ANKDD1A: variants seen among roughly 807,000 people sequenced by gnomAD.
ANKDD1A encodes ankyrin repeat and death domain-containing protein 1A.
ANKDD1A carries 59 observed loss-of-function variants against 63.5 expected under a neutral mutation model. That is an observed-to-expected ratio of 0.93 (90% confidence interval 0.75 to 1.15). The LOEUF (loss-of-function observed/expected upper bound fraction) is 1.15. Ranked by LOEUF, ANKDD1A falls within the 50% of genes most tolerant of loss-of-function variation. The pLI is 0.00. For synonymous variants in ANKDD1A, 266 were observed against 263.9 expected (o/e 1.01, Z -0.08); for missense variants, 632 against 656.4 (o/e 0.96, Z 0.41).
Position 64,951,071 on chromosome 15 carries a change from C to G in ANKDD1A, c.1483+1099C>G, listed in dbSNP as rs1329796655. 8.3e-6 allele frequency: 10 copies of G among 1,210,382 alleles called. No individual in the cohort carries two copies. The African/African-American group carries it at 1.6e-4, about 19-fold the overall frequency. The allele number at this position is 1,210,382 out of a possible 1,614,324, so 75.0% of individuals were successfully genotyped here. On this transcript the variant is annotated intron_variant, in intron 14 of 14. Transcript: ENST00000319580. ...ACCTCAGCGTGTGGAGCCACCTGAA[C>G]AGAAGATGACCATCATTTAAGGGCT...
At chr15:64,940,608 A>AT (rs587696660) in intron 9 of ANKDD1A, among the ~76,000 whole-genome samples, 6 of 148,800 alleles carry the variant, frequency 4.0e-5, no homozygotes, top group African/African-American at 1.2e-4. Flanking sequence ...AATTTTTTGT[A>AT]TTTTTTTTTT....
intron 9 of ANKDD1A, among the ~76,000 whole-genome samples, chr15:64,941,252 G>C (rs2085182846): frequency 1.3e-5 from 2 of 152,156 alleles, no homozygotes; most frequent in African/African-American, 2.4e-5. Context: ...TTTGTCTTCT[G>C]TATGACTTTA....
In ANKDD1A at chr15:64,958,252, T is replaced by C. The variant is rs948827039; in HGVS notation, c.*1064T>C. 1 of 152,226 alleles carries C rather than the reference T, an allele frequency of 6.6e-6. No homozygotes were observed. Among genetic ancestry groups the C allele is most frequent in the South Asian group, 2.1e-4 (1 of 4,836 alleles). 9.4% of individuals were successfully genotyped at this position (152,226 alleles called of 1,614,324 possible). A position where few individuals can be genotyped will look rare whatever the true frequency, so the allele number is the denominator to read the frequency against. ...ACACTGTGATGGTGGGTACATGACA[T>C]TGGGCATTGGTCAAAACCCATAGCA... On this transcript the variant is annotated 3_prime_UTR_variant, in exon 15 of 15. Transcript: ENST00000319580.
At chr15:64,938,301 C>G (rs1435746667) in intron 9 of ANKDD1A, among the ~76,000 whole-genome samples, 1 of 152,122 alleles carries the variant, frequency 6.6e-6, no homozygotes, top group Admixed American at 6.5e-5. Context: ...AAAGAGTAAC[C>G]TTACTCTGGG....
At chr15:64,954,727 C>CCTTCTCCTCCTCCTT (rs1416776876) in intron 14 of ANKDD1A, among the ~76,000 whole-genome samples, 2 of 72,240 alleles carry the variant, frequency 2.8e-5, no homozygotes, top group African/African-American at 4.2e-5. Flanking sequence ...TTCTCCTCCT[C>CCTTCTCCTCCTCCTT]CTTCTTCTTC....
intron 6 of ANKDD1A, among the ~76,000 whole-genome samples, chr15:64,928,380 G>A (rs1293420514): frequency 6.6e-6 from 1 of 152,232 alleles, no homozygotes; most frequent in East Asian, 1.9e-4. Flanking sequence ...GAGGCAAAAT[G>A]ATCACACCTC....
chr15:64,951,844 C>A lies in ANKDD1A; in HGVS notation c.1483+1872C>A, dbSNP rs1271786210. Reference sequence around the variant, plus strand: ...CTCTTCTTCATCCTTCTTATTCTTTCTTCTTCTTTCTTCTTCCTCTTCTTT... The same window carrying A: ...CTCTTCTTCATCCTTCTTATTCTTTATTCTTCTTTCTTCTTCCTCTTCTTT... On this transcript the variant is annotated intron_variant, in intron 14 of 14. Transcript: ENST00000319580. Among the ~76,000 whole-genome samples, 21 of 32,988 alleles carry A rather than the reference C, an allele frequency of 6.4e-4. No homozygotes were observed. The South Asian group carries it at 0.016, about 25-fold the overall frequency. 21.6% of individuals were successfully genotyped at this position (32,988 alleles called of 152,430 possible).
At chr15:64,941,875 CT>C (rs1183355231) in intron 9 of ANKDD1A, among the ~76,000 whole-genome samples, 1 of 152,112 alleles carries the variant, frequency 6.6e-6, no homozygotes, top group Non-Finnish European at 1.5e-5. Context: ...TCCCAGCTGG[CT>C]CTTTCATTCA....
intron 6 of ANKDD1A, 56 bp from the exon 7 acceptor site, chr15:64,930,766 C>G: frequency 6.5e-7 from 1 of 1,548,252 alleles, no homozygotes; most frequent in Non-Finnish European, 8.8e-7. Flanking sequence ...CATCACAGGT[C>G]TGTGATTCTG....
At chr15:64,951,706 A>ATTCTT (rs1188766067) in intron 14 of ANKDD1A, among the ~76,000 whole-genome samples, 2 of 135,344 alleles carry the variant, frequency 1.5e-5, no homozygotes, top group East Asian at 4.3e-4. Context: ...CTTCTTCCTT[A>ATTCTT]TTTTCTTTTT....
rs1051211755 is a variant in ANKDD1A, at chr15:64,950,573, T to C, written c.1483+601T>C. The C allele has an allele frequency of 4.1e-6, 4 of 985,314 alleles. No homozygotes were observed. The African/African-American group carries it at 7.0e-5, about 17-fold the overall frequency. 61.0% of individuals were successfully genotyped at this position (985,314 alleles called of 1,614,324 possible). ...CTGTGATACCCACTGACGTGGTACATAATGGGGCAACCACAGAATGGGGCA... is the reference window on the plus strand; with the variant it reads ...CTGTGATACCCACTGACGTGGTACACAATGGGGCAACCACAGAATGGGGCA... On this transcript the variant is annotated intron_variant, in intron 14 of 14. Transcript: ENST00000319580.
At chr15:64,944,552 A>G (rs1458259171) in intron 11 of ANKDD1A, 100 bp from the exon 12 acceptor site, 3 of 1,086,002 alleles carry the variant, frequency 2.8e-6, no homozygotes, top group Non-Finnish European at 4.0e-6. Context: ...ACTGCTGGAA[A>G]GCACTTCCTG....
intron 4 of ANKDD1A, chr15:64,922,227 A>G: frequency 1.8e-6 from 1 of 555,068 alleles, no homozygotes; most frequent in South Asian, 2.3e-5. Context: ...CTCCTTATTT[A>G]CAAGAGAGAA....
At chr15:64,945,846 A>C (rs999491429) in intron 12 of ANKDD1A, among the ~76,000 whole-genome samples, 8 of 150,932 alleles carry the variant, frequency 5.3e-5, no homozygotes, top group Admixed American at 2.0e-4. Flanking sequence ...GTTGGCCAGG[A>C]TGGTCTCAAT....
At chr15:64,949,621 C>T (rs1199870938) in intron 13 of ANKDD1A, among the ~76,000 whole-genome samples, 1 of 152,180 alleles carries the variant, frequency 6.6e-6, no homozygotes, top group Non-Finnish European at 1.5e-5. Flanking sequence ...GACCAAGACA[C>T]AAACCCTTCC....
chr15:64,947,352 C>T (rs2085231428), intron 12 of ANKDD1A, 52 bp from the exon 13 acceptor site: 1 of 1,579,570 alleles, frequency 6.3e-7, no homozygotes, highest in Admixed American at 1.7e-5. Context: ...GGCACTGCCC[C>T]TGTCTGGGAT....
At chr15:64,954,913 T>A (rs1484665593) in intron 14 of ANKDD1A, among the ~76,000 whole-genome samples, 2 of 68,880 alleles carry the variant, frequency 2.9e-5, no homozygotes, top group Non-Finnish European at 7.7e-5. Flanking sequence ...CTCTTGTCTC[T>A]TCTCTCTCCT....
At chr15:64,955,996 A>G (rs1010424373) in intron 14 of ANKDD1A, among the ~76,000 whole-genome samples, 4 of 152,224 alleles carry the variant, frequency 2.6e-5, no homozygotes, top group Non-Finnish European at 5.9e-5. Flanking sequence ...CTGGTGAAAT[A>G]GAGTATGTTC....
At chr15:64,925,349 A>C (rs1187280140) in intron 4 of ANKDD1A, among the ~76,000 whole-genome samples, 1 of 152,154 alleles carries the variant, frequency 6.6e-6, no homozygotes, top group African/African-American at 2.4e-5. Flanking sequence ...GATGGGTTGC[A>C]AACAGGACTT....
Sources: gnomAD v4.1 joint callset for allele counts (sites outside exome capture counted in the v4.1 genomes callset) on GRCh38, gnomAD v4.1.1 for gene constraint, MANE v1.5 for transcripts, NCBI Gene and HGNC (gene_info 2026-07-23, HGNC 2026-07-21) for gene names.